The following CENPC variants were observed in gnomAD, a reference collection of about 807,000 sequenced individuals.
CENPC encodes the protein centromere protein C.
In CENPC, 63 loss-of-function variants were observed where a neutral mutation model predicts 112.1. The ratio of observed to expected loss-of-function variants is 0.56; its 90% CI spans 0.46 to 0.69. The LOEUF (loss-of-function observed/expected upper bound fraction) is 0.69, where lower values mean the gene tolerates loss of function less well. CENPC is among the 30% of genes least tolerant of loss of function. CENPC has a pLI of 0.00. For missense variants in CENPC, 1,000 were observed against 1,103.8 expected (o/e 0.91, Z 1.33); for synonymous variants, 333 against 367.6 (o/e 0.91, Z 1.08).
At chr4:67,528,206 T>C (rs1478501748) in intron 5 of CENPC, among the ~76,000 whole-genome samples, 1 of 152,148 alleles carries the variant, frequency 6.6e-6, no homozygotes, top group Admixed American at 6.5e-5. Context: ...ATGTTCAGAA[T>C]AGTACAAAAA....
intron 4 of CENPC, among the ~76,000 whole-genome samples, chr4:67,533,847 G>A (rs1726632322): frequency 6.6e-6 from 1 of 152,000 alleles, no homozygotes; most frequent in Non-Finnish European, 1.5e-5. Context: ...AGATCAGCCT[G>A]GGAAACTTAG....
intron 12 of CENPC, among the ~76,000 whole-genome samples, chr4:67,501,277 C>CA (rs1725583441): frequency 1.3e-5 from 2 of 152,132 alleles, no homozygotes; most frequent in Admixed American, 1.3e-4. Context: ...AACTGCACTC[C>CA]AGCCTGGGTG....
At position 67,505,193 on chromosome 4, in the gene CENPC, A is replaced by T; in HGVS notation, c.2131+12T>A. Reference sequence around the variant, plus strand: ...CCATAAAAATCAAGACAGAAAAAAAACAATAGTTTACCTGAACTTCCATGA... The same window carrying T: ...CCATAAAAATCAAGACAGAAAAAAATCAATAGTTTACCTGAACTTCCATGA... On this transcript the variant is annotated intron_variant, in intron 12 of 18. Coordinates refer to ENST00000273853, the MANE Select transcript of CENPC (RefSeq NM_001812.4). 1 of 1,541,516 alleles carries T rather than the reference A, an allele frequency of 6.5e-7. No homozygotes were observed. Among genetic ancestry groups the T allele is most frequent in the Non-Finnish European group, 8.8e-7 (1 of 1,137,942 alleles).
rs140460749 is a variant in CENPC at position 67,517,423 on chromosome 4, A to G, written c.830+733T>C. The stretch of plus-strand genomic sequence containing the variant: ...GTGATCCACCCGCCTCGGCCTATCA[A>G]AGTGCTAGCATTACAGACATGAGCC... On this transcript the variant is annotated intron_variant, in intron 7 of 18. Transcript: ENST00000273853. Among the ~76,000 whole-genome samples, 393 of 151,772 alleles carry G rather than the reference A, an allele frequency of 2.6e-3. 7 individuals are homozygous for G. The highest frequency in any genetic ancestry group is 9.1e-3 in the African/African-American group (375 of 41,194).
At position 67,518,556 on chromosome 4, in the gene CENPC, T is replaced by C. The variant is rs17625154; in HGVS notation, c.618-188A>G. On this transcript the variant is annotated intron_variant, in intron 6 of 18. Transcript: ENST00000273853. Reference sequence around the variant, plus strand: ...ATAAACTGCTCAGGAAAATTAACTTTTGTATTTATCAATAGAAAAACATGA... The same window carrying C: ...ATAAACTGCTCAGGAAAATTAACTTCTGTATTTATCAATAGAAAAACATGA... Among the ~76,000 whole-genome samples, 21,829 of 152,178 alleles carry C rather than the reference T, an allele frequency of 0.14. 2,010 individuals carry two copies. The highest frequency in any genetic ancestry group is 0.24 in the Middle Eastern group (70 of 294).
intron 12 of CENPC, among the ~76,000 whole-genome samples, chr4:67,503,656 A>G (rs1403181331): frequency 6.6e-6 from 1 of 152,130 alleles, no homozygotes; most frequent in East Asian, 1.9e-4. Context: ...TATTCAAAAA[A>G]ATATATCCAC....
Position 67,514,083 on chromosome 4 carries a change from G to A in CENPC, c.1435C>T (p.Pro479Ser). The A allele has an allele frequency of 6.3e-7, 1 of 1,591,140 alleles. No individual in the cohort carries two copies. The highest frequency in any genetic ancestry group is 8.5e-7 in the Non-Finnish European group (1 of 1,172,062). Residue 479 changes from proline to serine, a missense_variant, in exon 8 of 19, where the codon CCA (proline) becomes TCA (serine). Pro to Ser is a moderately conservative substitution (Grantham distance 74, BLOSUM62 -1). Transcript: ENST00000273853. ...GNDCVSKKQM[P>S]PVGSKKSSTR... ...TAATATAAACACTTACCCACAGGTG[G>A]CATCTGTTTTTTGGAAACACAATCA...
At chr4:67,527,695 C>T (rs369039314) in intron 5 of CENPC, among the ~76,000 whole-genome samples, 12 of 151,734 alleles carry the variant, frequency 7.9e-5, no homozygotes, top group African/African-American at 2.7e-4. Context: ...GAGACAAGTT[C>T]TCACTACGTT....
intron 4 of CENPC, among the ~76,000 whole-genome samples, chr4:67,538,684 T>C (rs1164830799): frequency 6.6e-6 from 1 of 151,898 alleles, no homozygotes; most frequent in Non-Finnish European, 1.5e-5. Flanking sequence ...CAATCAAATA[T>C]TGATCAGAGA....
chr4:67,473,133 T>C (rs571075101), intron 18 of CENPC, among the ~76,000 whole-genome samples: 1 of 152,186 alleles, frequency 6.6e-6, no homozygotes, highest in Non-Finnish European at 1.5e-5. Context: ...TCTCGCTATA[T>C]TGCCCAGGCA....
chr4:67,540,941 CATCT>C lies in CENPC; in HGVS notation c.136+35_136+38del, dbSNP rs1726868840. 2.3e-6 allele frequency: 3 copies of C among 1,313,622 alleles called. No homozygotes were observed. In the African/African-American group the frequency reaches 4.4e-5, roughly 19 times the overall value. The allele number at this position is 1,313,622 out of a possible 1,614,324, so 81.4% of individuals were successfully genotyped here. On this transcript the variant is annotated intron_variant, in intron 3 of 18. Transcript: ENST00000273853. ...ACCATGACAAATTCATATTTTCATC[CATCT>C]AACCCTTAAATTCCATCTTGAAATG...
At chr4:67,536,676 C>A (rs1334924278) in intron 4 of CENPC, among the ~76,000 whole-genome samples, 1 of 151,076 alleles carries the variant, frequency 6.6e-6, no homozygotes, top group Non-Finnish European at 1.5e-5. Flanking sequence ...GAAAAAAAAA[C>A]CCTAACACCT....
At chr4:67,479,351 A>C (rs1724893147) in intron 17 of CENPC, among the ~76,000 whole-genome samples, 1 of 152,202 alleles carries the variant, frequency 6.6e-6, no homozygotes, top group Non-Finnish European at 1.5e-5. Context: ...AATTTAAGAA[A>C]ACCAAAATTA....
intron 5 of CENPC, among the ~76,000 whole-genome samples, chr4:67,520,962 A>G (rs1390749362): frequency 6.6e-6 from 1 of 152,152 alleles, no homozygotes; most frequent in Non-Finnish European, 1.5e-5. Context: ...CACTGAGCTA[A>G]GATCACACCA....
intron 17 of CENPC, among the ~76,000 whole-genome samples, chr4:67,489,721 GT>G (rs1725187491): frequency 6.6e-6 from 1 of 152,030 alleles, no homozygotes. Flanking sequence ...TATTTAAGAT[GT>G]TTTTAAGTAA....
intron 6 of CENPC, 114 bp from the exon 7 acceptor site, chr4:67,518,482 G>A: frequency 1.8e-6 from 2 of 1,106,606 alleles, no homozygotes; most frequent in Non-Finnish European, 2.3e-6. Context: ...TCTGTACTAG[G>A]CATTTATTTA....
At chr4:67,531,111 C>G (rs1275076839) in intron 4 of CENPC, among the ~76,000 whole-genome samples, 197 bp from the exon 5 acceptor site, 8 of 152,070 alleles carry the variant, frequency 5.3e-5, no homozygotes, top group Non-Finnish European at 1.2e-4. Context: ...TTCAGTAAAG[C>G]TGAAATTTCA....
intron 9 of CENPC, 61 bp downstream of exon 9, chr4:67,512,341 T>C (rs921817614): frequency 7.6e-6 from 9 of 1,190,744 alleles, no homozygotes; most frequent in African/African-American, 6.3e-5. Context: ...AAATCAAACA[T>C]AATGCCCCTT....
intron 5 of CENPC, among the ~76,000 whole-genome samples, chr4:67,527,920 T>C (rs982859953): frequency 6.6e-6 from 1 of 152,132 alleles, no homozygotes; most frequent in Non-Finnish European, 1.5e-5. Flanking sequence ...AGTGGCACAG[T>C]ACTAATTTCA....
Sources: allele counts gnomAD v4.1 joint callset (sites outside exome capture counted in the v4.1 genomes callset), GRCh38; gene constraint gnomAD v4.1.1; transcripts MANE v1.5; gene names NCBI Gene and HGNC (gene_info 2026-07-23, HGNC 2026-07-21).